The following EXOC6B variants were observed in gnomAD, a reference collection of about 807,000 sequenced individuals.
The protein encoded by EXOC6B is SEC15 homolog B.
A neutral mutation model predicts 113.5 loss-of-function variants in EXOC6B; 54 were observed. That is an observed-to-expected ratio of 0.48 (90% confidence interval 0.38 to 0.60). EXOC6B has a LOEUF of 0.60. Ranked by LOEUF, EXOC6B falls within the 20% of genes least tolerant of loss-of-function variation. The pLI is 0.00. For missense variants in EXOC6B, 797 were observed against 977.5 expected (o/e 0.82, Z 2.46); for synonymous variants, 357 against 339.0 (o/e 1.05, Z -0.58).
intron 11 of EXOC6B, 97 bp downstream of exon 11, chr2:72,513,033 GAT>G: frequency 3.7e-6 from 5 of 1,357,594 alleles, no homozygotes; most frequent in Non-Finnish European, 4.0e-6. Flanking sequence ...CCAAGTGAGT[GAT>G]TCCAAAGACA....
intron 1 of EXOC6B, among the ~76,000 whole-genome samples, chr2:72,823,003 C>T (rs185600176): frequency 1.3e-5 from 2 of 151,604 alleles, no homozygotes; most frequent in Admixed American, 6.6e-5. Flanking sequence ...TGCCTCTGAA[C>T]GGGATAAGGA....
chr2:72,312,769 A>C (rs951795150), intron 20 of EXOC6B, among the ~76,000 whole-genome samples: 6 of 149,878 alleles, frequency 4.0e-5, no homozygotes, highest in Non-Finnish European at 1.5e-5. Flanking sequence ...AAACAACAAC[A>C]ACAACAACAA....
At chr2:72,451,809 G>C (rs553872631) in intron 18 of EXOC6B, among the ~76,000 whole-genome samples, 2 of 152,152 alleles carry the variant, frequency 1.3e-5, no homozygotes, top group East Asian at 3.9e-4. Flanking sequence ...GGGAGGTCCC[G>C]GGGGCAAGTA....
Position 72,407,483 on chromosome 2 carries a change from T to C in EXOC6B, c.1981-27613A>G, listed in dbSNP as rs569974634. Reference sequence around the variant, plus strand: ...AATCCTCAATAAAATACTGGCAAACTGAATCCAGCAGCACATCAAAAACTT... The same window carrying C: ...AATCCTCAATAAAATACTGGCAAACCGAATCCAGCAGCACATCAAAAACTT... On this transcript the variant is annotated intron_variant, in intron 18 of 21. Coordinates refer to ENST00000272427, the MANE Select transcript of EXOC6B (RefSeq NM_015189.3). Among the ~76,000 whole-genome samples, 299 of 152,230 alleles carry C rather than the reference T, an allele frequency of 2.0e-3. 2 individuals are homozygous for C. Among genetic ancestry groups the C allele is most frequent in the African/African-American group, 5.9e-3 (245 of 41,542 alleles).
intron 1 of EXOC6B, among the ~76,000 whole-genome samples, chr2:72,767,681 C>T (rs1683151101): frequency 6.6e-6 from 1 of 150,838 alleles, no homozygotes; most frequent in Non-Finnish European, 1.5e-5. Context: ...GGCATGGTGG[C>T]ATGCACCTGT....
intron 1 of EXOC6B, among the ~76,000 whole-genome samples, chr2:72,824,060 C>A (rs972878290): frequency 1.1e-4 from 16 of 151,984 alleles, no homozygotes; most frequent in African/African-American, 3.6e-4. Context: ...TGTGGAAGAA[C>A]TGGTCCAAAA....
chr2:72,192,670 C>A (rs1029324203), intron 20 of EXOC6B, among the ~76,000 whole-genome samples: 3 of 152,172 alleles, frequency 2.0e-5, no homozygotes, highest in African/African-American at 7.2e-5. Flanking sequence ...CAGACAGACA[C>A]AGATGCTAAG....
chr2:72,730,536 C>T (rs1558955766), intron 5 of EXOC6B, among the ~76,000 whole-genome samples: 1 of 150,482 alleles, frequency 6.6e-6, no homozygotes, highest in Non-Finnish European at 1.5e-5. Flanking sequence ...TGAGCCAATT[C>T]CTTAAAATAA....
chr2:72,350,352 A>G (rs1175370420), intron 19 of EXOC6B, among the ~76,000 whole-genome samples: 1 of 152,140 alleles, frequency 6.6e-6, no homozygotes, highest in South Asian at 2.1e-4. Flanking sequence ...TTTTCCCCCA[A>G]TATAGAATTT....
intron 20 of EXOC6B, among the ~76,000 whole-genome samples, chr2:72,310,411 T>G (rs1236012982): frequency 1.3e-5 from 2 of 152,210 alleles, no homozygotes; most frequent in Non-Finnish European, 2.9e-5. Flanking sequence ...TCTTATCATG[T>G]GCTTATTGTA....
chr2:72,535,958 T>C (rs921891076), intron 8 of EXOC6B, among the ~76,000 whole-genome samples: 2 of 152,158 alleles, frequency 1.3e-5, no homozygotes, highest in Admixed American at 6.5e-5. Flanking sequence ...AGTAGTGTTA[T>C]AGGAAAATCC....
Position 72,314,663 on chromosome 2 carries a change from G to A in EXOC6B, c.2196+20284C>T, listed in dbSNP as rs151029273. 2.3e-3 allele frequency among the ~76,000 whole-genome samples: 352 copies of A among 152,224 alleles called. 2 individuals carry two copies. The highest frequency in any genetic ancestry group is 3.6e-3 in the Non-Finnish European group (248 of 68,014). On this transcript the variant is annotated intron_variant, in intron 20 of 21. Coordinates refer to ENST00000272427, the MANE Select transcript of EXOC6B (RefSeq NM_015189.3). ...AATCCTGTCTCTACTTCATAGAAAG[G>A]TATGGAGTTTATATCCGATATGTAC... is the stretch of plus-strand genomic sequence containing the variant.
At chr2:72,189,278 C>T (rs1210670591) in intron 20 of EXOC6B, among the ~76,000 whole-genome samples, 1 of 152,066 alleles carries the variant, frequency 6.6e-6, no homozygotes, top group Admixed American at 6.5e-5. Flanking sequence ...ATATAGTTCC[C>T]CTGCCTCCAT....
In EXOC6B at chr2:72,224,822, G is replaced by A. The variant is rs60460654; in HGVS notation, c.2197-40635C>T. ...TCTGTGTGTGTGTGTGTGTGTGTGC[G>A]TGTGTGTATGTGTGTATGTGTGTGT... On this transcript the variant is annotated intron_variant, in intron 20 of 21. Transcript: ENST00000272427. Among the ~76,000 whole-genome samples the A allele has an allele frequency of 9.7e-3, 1,465 of 150,396 alleles. 29 individuals are homozygous for A. Among genetic ancestry groups the A allele is most frequent in the African/African-American group, 0.033 (1,331 of 40,868 alleles).
intron 20 of EXOC6B, among the ~76,000 whole-genome samples, chr2:72,325,769 G>A (rs1447164805): frequency 6.6e-6 from 1 of 151,806 alleles, no homozygotes; most frequent in African/African-American, 2.4e-5. Flanking sequence ...CTTCACTGAT[G>A]CTGTCCAGTT....
chr2:72,207,038 A>G (rs888178629), intron 20 of EXOC6B, among the ~76,000 whole-genome samples: 7 of 152,228 alleles, frequency 4.6e-5, no homozygotes, highest in Non-Finnish European at 8.8e-5. Flanking sequence ...ACCAAAATAG[A>G]GCAAATTATA....
At chr2:72,313,097 T>A (rs1687302564) in intron 20 of EXOC6B, among the ~76,000 whole-genome samples, 1 of 152,132 alleles carries the variant, frequency 6.6e-6, no homozygotes, top group Admixed American at 6.6e-5. Context: ...GTAAGAAATT[T>A]TAGCCTCAGC....
chr2:72,423,768 C>A (rs1444597230), intron 18 of EXOC6B, among the ~76,000 whole-genome samples: 1 of 152,150 alleles, frequency 6.6e-6, no homozygotes, highest in Non-Finnish European at 1.5e-5. Context: ...TACATACACA[C>A]ATGCACACAC....
At chr2:72,771,123 T>C (rs1683383610) in intron 1 of EXOC6B, among the ~76,000 whole-genome samples, 1 of 152,190 alleles carries the variant, frequency 6.6e-6, no homozygotes, top group Non-Finnish European at 1.5e-5. Context: ...AGTTATTACA[T>C]AACCAGAAGT....
Sources: allele counts gnomAD v4.1 joint callset (sites outside exome capture counted in the v4.1 genomes callset), GRCh38; gene constraint gnomAD v4.1.1; transcripts MANE v1.5; gene names NCBI Gene and HGNC (gene_info 2026-07-23, HGNC 2026-07-21).